The following SNAI3 variants were observed in gnomAD, a reference collection of about 807,000 sequenced individuals.
The protein encoded by SNAI3 is snail family transcriptional repressor 3, also known as zinc finger protein SNAI3.
SNAI3 carries 21 observed loss-of-function variants against 16.4 expected under a neutral mutation model. The ratio of observed to expected loss-of-function variants is 1.28; its 90% confidence interval spans 0.91 to 1.85. SNAI3 has a LOEUF of 1.85. Among genes scored for constraint, SNAI3 ranks in the 40% most tolerant of loss-of-function variants. The probability of loss-of-function intolerance (pLI) is 0.00; values close to 1 mark genes in which losing one functional copy is unlikely to be tolerated. For synonymous variants in SNAI3, 202 were observed against 166.6 expected, an observed-to-expected ratio of 1.21 and a Z score of -1.64; for missense variants, 457 against 372.8, an observed-to-expected ratio of 1.23 and a Z score of -1.86.
At chr16:88,686,264 C>T in intron 1 of SNAI3, 67 bp downstream of exon 1, 1 of 1,398,016 alleles carries the variant, frequency 7.2e-7, no homozygotes, top group African/African-American at 1.4e-5. Context: ...CTCCCAGGGG[C>T]CTCTCTCTCT....
At chr16:88,682,032 G>A (rs1909191289) in intron 1 of SNAI3, among the ~76,000 whole-genome samples, 1 of 152,178 alleles carries the variant, frequency 6.6e-6, no homozygotes, top group African/African-American at 2.4e-5. Flanking sequence ...GGCCTCGTGG[G>A]TAAAGGAGGG....
Position 88,681,624 on chromosome 16 carries a change from G to A in SNAI3, c.167C>T (p.Pro56Leu). ...GGCCGAGGAGCGGTCCCAGGGCTGG[G>A]GAAGGTCACCGGGCACAGAAGGGGC... ...KEAPSVPGDL[P>L]QPWDRSSAVA... The change falls in exon 2 of 3, where the codon CCC becomes CTC. Residue 56 changes from proline to leucine, a missense_variant. Physicochemically the swap from Pro to Leu is moderately conservative, Grantham distance 98. Transcript: ENST00000332281. This position sits in a 1 kb window ranked among gnomAD's most constrained non-coding sequence, Gnocchi z 5.4. 2.0e-6 allele frequency: 3 copies of A among 1,484,564 alleles called. No individual in the cohort carries two copies. In the South Asian group the frequency reaches 4.3e-5, roughly 21 times the overall value. 92.0% of individuals were successfully genotyped at this position (1,484,564 alleles called of 1,614,324 possible). A position where few individuals can be genotyped will look rare whatever the true frequency, so the allele number is the denominator to read the frequency against.
chr16:88,681,518 G>T lies in SNAI3; in HGVS notation c.273C>A (p.Ser91Arg), dbSNP rs1358411085. The T allele has an allele frequency of 6.5e-7, 1 of 1,536,934 alleles. No homozygotes were observed. The highest frequency in any genetic ancestry group is 2.3e-5 in the East Asian group (1 of 44,002). The stretch of plus-strand genomic sequence containing the variant: ...CCCGGCTGGCCCGAGGGTCGACCTC[G>T]CTGACTTCCAAGGCGTCCAGCCCAG... The part of the protein sequence containing the change: ...GASGLDALEV[S>R]EVDPRASRAA... Residue 91 changes from serine to arginine, a missense_variant, in exon 2 of 3, where the codon AGC becomes AGA. Coordinates refer to ENST00000332281, the MANE Select transcript of SNAI3 (RefSeq NM_178310.4). The surrounding 1 kb of genome is among the most constrained non-coding windows in gnomAD (Gnocchi z 5.4).
Position 88,681,599 on chromosome 16 carries a change from G to A in SNAI3, c.192C>T (p.Ala64=), listed in dbSNP as rs759255129. The change falls in exon 2 of 3, where the codon GCC becomes GCT. Residue 64 remains alanine (A), a synonymous_variant. Transcript: ENST00000332281. This position sits in a 1 kb window ranked among gnomAD's most constrained non-coding sequence, Gnocchi z 5.4. ...GGAGGGGCAGGGAGATGCAGGCGAC[G>A]GCCGAGGAGCGGTCCCAGGGCTGGG... ...DLPQPWDRSS[A]VACISLPLLP... The A allele has an allele frequency of 2.5e-5, 38 of 1,501,670 alleles. No individual in the cohort carries two copies. Among genetic ancestry groups the A allele is most frequent in the Middle Eastern group, 1.8e-4 (1 of 5,480 alleles). 93.0% of individuals were successfully genotyped at this position (1,501,670 alleles called of 1,614,324 possible). A position where few individuals can be genotyped will look rare whatever the true frequency, so the allele number is the denominator to read the frequency against.
rs560411217 is a variant in SNAI3 at position 88,680,275 on chromosome 16, A to ATTTTTTTTT, written c.697+810_697+818dup. ...GTACTTTAATGGCATTATGTTTTTG[A>ATTTTTTTTT]TTTTTTTTTTTTTTTTTTTTTTTTT... is the stretch of plus-strand genomic sequence containing the variant. On this transcript the variant is annotated intron_variant, in intron 2 of 2. Coordinates refer to ENST00000332281, the MANE Select transcript of SNAI3 (RefSeq NM_178310.4). Among the ~76,000 whole-genome samples, 23 of 55,108 alleles carry ATTTTTTTTT rather than the reference A, an allele frequency of 4.2e-4. 4 individuals carry two copies. Among genetic ancestry groups the ATTTTTTTTT allele is most frequent in the Admixed American group, 5.4e-4 (2 of 3,700 alleles). 36.2% of individuals were successfully genotyped at this position (55,108 alleles called of 152,430 possible).
At chr16:88,685,727 CG>C (rs1909336165) in intron 1 of SNAI3, 1 of 152,518 alleles carries the variant, frequency 6.6e-6, no homozygotes, top group Non-Finnish European at 1.5e-5. Flanking sequence ...GCAAGCCTGC[CG>C]GGGTGAGCAG....
At chr16:88,684,742 C>T (rs981089701) in intron 1 of SNAI3, among the ~76,000 whole-genome samples, 4 of 152,210 alleles carry the variant, frequency 2.6e-5, no homozygotes, top group Admixed American at 1.3e-4. Flanking sequence ...CTGCCGTCCT[C>T]GACCTCCCAA....
In SNAI3 at chr16:88,681,497, G is replaced by A. The variant is rs1224378968; in HGVS notation, c.294C>T (p.Ser98=). ...CTTTGAGGGGTACAATGGCGGCCCG[G>A]CTGGCCCGAGGGTCGACCTCGCTGA... ...LEVSEVDPRA[S]RAAIVPLKDS... The change falls in exon 2 of 3, where the codon AGC becomes AGT. Residue 98 remains serine, a synonymous_variant. Coordinates refer to ENST00000332281, the MANE Select transcript of SNAI3 (RefSeq NM_178310.4). This position sits in a 1 kb window ranked among gnomAD's most constrained non-coding sequence, Gnocchi z 5.4. 9 of 1,552,286 alleles carry A rather than the reference G, an allele frequency of 5.8e-6. No individual in the cohort carries two copies. The highest frequency in any genetic ancestry group is 7.0e-6 in the Non-Finnish European group (8 of 1,143,444).
At chr16:88,684,298 A>G (rs1909280661) in intron 1 of SNAI3, among the ~76,000 whole-genome samples, 1 of 152,148 alleles carries the variant, frequency 6.6e-6, no homozygotes, top group African/African-American at 2.4e-5. Context: ...TTCTGCCTCC[A>G]GGTATTGTCA....
chr16:88,682,219 ACCCCACAGTCG>A (rs1436588902), intron 1 of SNAI3, among the ~76,000 whole-genome samples: 2 of 152,072 alleles, frequency 1.3e-5, no homozygotes, highest in East Asian at 3.9e-4. Context: ...CCCTCCAGTC[ACCCCACAGTCG>A]CCCCTCGGGC....
Position 88,681,713 on chromosome 16 carries a change from T to C in SNAI3, c.78A>G (p.Glu26=). Residue 26 remains glutamate, a splice_region_variant and synonymous_variant, in exon 2 of 3, where the codon GAA becomes GAG. Coordinates refer to ENST00000332281, the MANE Select transcript of SNAI3 (RefSeq NM_178310.4). The surrounding 1 kb of genome is among the most constrained non-coding windows in gnomAD (Gnocchi z 5.4). ...PNYRRLETQR[E]INGACSACGG... is the part of the protein sequence containing the mutation. Reference sequence around the variant, plus strand: ...CACAGGCAGAGCAGGCACCATTGATTTCTAGAGGGGTGGAGGGGAGAGAAT... The same window carrying C: ...CACAGGCAGAGCAGGCACCATTGATCTCTAGAGGGGTGGAGGGGAGAGAAT... 1 of 1,441,384 alleles carries C rather than the reference T, an allele frequency of 6.9e-7. No individual in the cohort carries two copies. Among genetic ancestry groups the C allele is most frequent in the Non-Finnish European group, 9.2e-7 (1 of 1,092,702 alleles). The allele number at this position is 1,441,384 out of a possible 1,614,324, so 89.3% of individuals were successfully genotyped here.
In SNAI3 at chr16:88,681,257, C is replaced by T. The variant is rs1343981891; in HGVS notation, c.534G>A (p.Gln178=). ...ARHRQLHCHL[Q]VGRVFTCKYC... is the part of the protein sequence containing the mutation. ...ACTTGCAGGTGAAGACACGCCCCAC[C>T]TGCAGGTGGCAGTGCAGCTGCCGGT... Residue 178 remains glutamine (Q), a synonymous_variant, in exon 2 of 3, where the codon CAG becomes CAA. Coordinates refer to ENST00000332281, the MANE Select transcript of SNAI3 (RefSeq NM_178310.4). This position sits in a 1 kb window ranked among gnomAD's most constrained non-coding sequence, Gnocchi z 5.4. 2 of 1,613,482 alleles carry T rather than the reference C, an allele frequency of 1.2e-6. No homozygotes were observed. The highest frequency in any genetic ancestry group is 1.3e-5 in the African/African-American group (1 of 74,936).
rs772752747 is a variant in SNAI3 at position 88,678,410 on chromosome 16, G to C, written c.*38C>G. 6 of 725,674 alleles carry C rather than the reference G, an allele frequency of 8.3e-6. No homozygotes were observed. Among genetic ancestry groups the C allele is most frequent in the Non-Finnish European group, 1.5e-5 (6 of 395,660 alleles). The allele number at this position is 725,674 out of a possible 1,614,324, so 45.0% of individuals were successfully genotyped here. On this transcript the variant is annotated 3_prime_UTR_variant, in exon 3 of 3. Coordinates refer to ENST00000332281, the MANE Select transcript of SNAI3 (RefSeq NM_178310.4). ...CAGGAGGGACGCCAGCTCTCCCGGT[G>C]AGGACCATCCCTCCTACCTGCGCCG...
intron 1 of SNAI3, among the ~76,000 whole-genome samples, chr16:88,682,761 G>GTTT: frequency 1.2e-5 from 1 of 81,928 alleles, no homozygotes. Context: ...ATGGGCAAGG[G>GTTT]ATTTTTTTTT....
Position 88,678,360 on chromosome 16 carries a change from C to T in SNAI3, c.*88G>A, listed in dbSNP as rs981407015. 4.8e-6 allele frequency: 3 copies of T among 626,794 alleles called. No individual in the cohort carries two copies. The highest frequency in any genetic ancestry group is 3.6e-5 in the African/African-American group (2 of 55,156). The allele number at this position is 626,794 out of a possible 1,614,324, so 38.8% of individuals were successfully genotyped here. Reference sequence around the variant, plus strand: ...CAAGTGTGAGGCCAGGCCCCGCCCTCCCAGACTCCTGGCTCCTCTGGGGGC... The same window carrying T: ...CAAGTGTGAGGCCAGGCCCCGCCCTTCCAGACTCCTGGCTCCTCTGGGGGC... On this transcript the variant is annotated 3_prime_UTR_variant, in exon 3 of 3. Coordinates refer to ENST00000332281, the MANE Select transcript of SNAI3 (RefSeq NM_178310.4).
At position 88,681,265 on chromosome 16, in the gene SNAI3, G is replaced by A; in HGVS notation, c.526C>T (p.His176Tyr). The A allele has an allele frequency of 6.2e-7, 1 of 1,613,450 alleles. No homozygotes were observed. Residue 176 changes from histidine (H) to tyrosine (Y), a missense_variant, in exon 2 of 3, where the codon CAC becomes TAC. By Grantham distance (83) the His-to-Tyr change is moderately conservative. Coordinates refer to ENST00000332281, the MANE Select transcript of SNAI3 (RefSeq NM_178310.4). This position sits in a 1 kb window ranked among gnomAD's most constrained non-coding sequence, Gnocchi z 5.4. ...GTGAAGACACGCCCCACCTGCAGGT[G>A]GCAGTGCAGCTGCCGGTGCCTGGCC... Reference protein sequence around the residue: ...GLARHRQLHCHLQVGRVFTCK... With the variant: ...GLARHRQLHCYLQVGRVFTCK...
chr16:88,680,956 G>T (rs1207216728), intron 2 of SNAI3, 138 bp downstream of exon 2: 5 of 1,296,198 alleles, frequency 3.9e-6, no homozygotes, highest in Non-Finnish European at 5.2e-6. Flanking sequence ...ACTTTGTACA[G>T]ATAAGTCAAA....
In SNAI3 at chr16:88,681,392, G is replaced by T. The variant is rs147906266; in HGVS notation, c.399C>A (p.His133Gln). Residue 133 changes from histidine (H) to glutamine (Q), a missense_variant, in exon 2 of 3, where the codon CAC (histidine) becomes CAA (glutamine). Transcript: ENST00000332281. This position sits in a 1 kb window ranked among gnomAD's most constrained non-coding sequence, Gnocchi z 5.4. ...CCCCAAGCAGTTTTTCCGGAGCCCC[G>T]TGCCGGTCTGGGCCCAAGGTCGGGG... is the stretch of plus-strand genomic sequence containing the variant. ...RWSPTLGPDR[H>Q]GAPEKLLGAE... 23 of 1,612,382 alleles carry T rather than the reference G, an allele frequency of 1.4e-5. No homozygotes were observed. In the African/African-American group the frequency reaches 2.7e-4, roughly 19 times the overall value.
At position 88,681,753 on chromosome 16, in the gene SNAI3, T is replaced by G; in HGVS notation, c.77-39A>C. Reference sequence around the variant, plus strand: ...GGGGAGAGAATAGAAAGATGAAGACTGAATCCCCAGCACTTTGTGTTTTCC... The same window carrying G: ...GGGGAGAGAATAGAAAGATGAAGACGGAATCCCCAGCACTTTGTGTTTTCC... On this transcript the variant is annotated intron_variant, in intron 1 of 2. Transcript: ENST00000332281. This position sits in a 1 kb window ranked among gnomAD's most constrained non-coding sequence, Gnocchi z 5.4. 5 of 1,383,994 alleles carry G rather than the reference T, an allele frequency of 3.6e-6. No homozygotes were observed. The highest frequency in any genetic ancestry group is 4.7e-6 in the Non-Finnish European group (5 of 1,064,476). The allele number at this position is 1,383,994 out of a possible 1,614,324, so 85.7% of individuals were successfully genotyped here.
Sources: gnomAD v4.1 joint callset for allele counts (sites outside exome capture counted in the v4.1 genomes callset) on GRCh38, gnomAD v4.1.1 for gene constraint, Gnocchi (gnomAD v3.1) non-coding constraint, MANE v1.5 for transcripts, NCBI Gene and HGNC (gene_info 2026-07-23, HGNC 2026-07-21) for gene names.